RPS6KA2: variants seen among roughly 807,000 people sequenced by gnomAD.
RPS6KA2 encodes the protein ribosomal protein S6 kinase A2.
Under a neutral mutation model 91.8 loss-of-function variants are expected in RPS6KA2, and 42 were observed. The observed-to-expected ratio is 0.46, with a 90% CI of 0.36 to 0.59. RPS6KA2 has a LOEUF of 0.59. Ranked by LOEUF, RPS6KA2 falls within the 20% of genes least tolerant of loss-of-function variation. The pLI is 0.00. For synonymous variants in RPS6KA2, 414 were observed against 393.6 expected (o/e 1.05, Z -0.61); for missense variants, 798 against 978.5 (o/e 0.82, Z 2.46).
At chr6:166,589,564 T>C (rs913137976) in intron 1 of RPS6KA2, among the ~76,000 whole-genome samples, 1 of 152,194 alleles carries the variant, frequency 6.6e-6, no homozygotes, top group Admixed American at 6.5e-5. Flanking sequence ...GCATAAACAA[T>C]GTCATTCTAC....
chr6:166,777,455 T>C (rs1251699102), intron 2 of RPS6KA2, among the ~76,000 whole-genome samples: 1 of 151,910 alleles, frequency 6.6e-6, no homozygotes, highest in East Asian at 1.9e-4. Context: ...GGCCTCCGAG[T>C]GCACGCACAG....
At position 166,451,225 on chromosome 6, in the gene RPS6KA2, C is replaced by T; in HGVS notation, c.1084G>A (p.Gly362Ser). The change falls in exon 13 of 21, where the codon GGC becomes AGC. Residue 362 changes from glycine (G) to serine (S), a missense_variant. Transcript: ENST00000265678. ...TGAGCGTTTGCACTCGGGGGGACGC[C>T]AGGAGAGTCTGTAGGTGACAGGGGC... ...FTARTPTDSP[G>S]VPPSANAHHL... 1.9e-6 allele frequency: 3 copies of T among 1,613,706 alleles called. No individual in the cohort carries two copies. Among genetic ancestry groups the T allele is most frequent in the Non-Finnish European group, 2.5e-6 (3 of 1,179,884 alleles).
At chr6:166,522,819 C>T (rs1215187597) in intron 3 of RPS6KA2, among the ~76,000 whole-genome samples, 1 of 152,158 alleles carries the variant, frequency 6.6e-6, no homozygotes, top group Non-Finnish European at 1.5e-5. Flanking sequence ...TGAATTACTC[C>T]ACACATAAAG....
At chr6:166,780,171 C>T (rs957835389) in intron 2 of RPS6KA2, among the ~76,000 whole-genome samples, 3 of 152,216 alleles carry the variant, frequency 2.0e-5, no homozygotes, top group South Asian at 4.1e-4. Context: ...GGCTGCATCG[C>T]GTACCCCAAA....
intron 16 of RPS6KA2, among the ~76,000 whole-genome samples, chr6:166,428,665 A>C (rs1779011817): frequency 6.6e-6 from 1 of 150,900 alleles, no homozygotes; most frequent in Admixed American, 6.6e-5. Context: ...GACACTTCTC[A>C]AAAGAAGACA....
At position 166,451,107 on chromosome 6, in the gene RPS6KA2, A is replaced by T; in HGVS notation, c.1202T>A (p.Val401Glu). 6.2e-7 allele frequency: 1 copy of T among 1,614,086 alleles called. No homozygotes were observed. The highest frequency in any genetic ancestry group is 2.2e-5 in the East Asian group (1 of 44,876). ...ACTGCAGGCAAACACAGTTACCTGCACGATTGGGTGAACTGGGACTTTGTG... is the reference window on the plus strand; with the variant it reads ...ACTGCAGGCAAACACAGTTACCTGCTCGATTGGGTGAACTGGGACTTTGTG... ...DLHKVPVHPI[V>E]QQLHGNNIHF... Residue 401 changes from valine (V) to glutamate (E), a missense_variant, in exon 13 of 21, where the codon GTG (valine) becomes GAG (glutamate). By Grantham distance (121) the Val-to-Glu change is moderately radical (BLOSUM62 -2). Transcript: ENST00000265678.
intron 1 of RPS6KA2, among the ~76,000 whole-genome samples, chr6:166,565,113 A>C (rs557892105): frequency 6.6e-6 from 1 of 152,208 alleles, no homozygotes; most frequent in East Asian, 1.9e-4. Context: ...CTTCCTGTTG[A>C]GTCTGGCTTG....
chr6:166,676,318 A>C (rs1379305411), intron 2 of RPS6KA2, among the ~76,000 whole-genome samples: 1 of 71,602 alleles, frequency 1.4e-5, no homozygotes, highest in Non-Finnish European at 2.7e-5. Flanking sequence ...ACTCTGTCTC[A>C]AAAAAAAAAA....
At chr6:166,464,008 C>T (rs1017754074) in intron 11 of RPS6KA2, among the ~76,000 whole-genome samples, 2 of 152,102 alleles carry the variant, frequency 1.3e-5, no homozygotes, top group Admixed American at 1.3e-4. Flanking sequence ...GGGAGTGCTC[C>T]TAGTGTATAT....
chr6:166,424,462 C>G (rs765967139), intron 16 of RPS6KA2, among the ~76,000 whole-genome samples: 43 of 149,886 alleles, frequency 2.9e-4, no homozygotes, highest in Non-Finnish European at 5.3e-4. Flanking sequence ...GACAGTATTT[C>G]CTGCTTCAGG....
In RPS6KA2 at chr6:166,517,569, G is replaced by A. The variant is rs944111572; in HGVS notation, c.299-7212C>T. ...CGGCTCACTGCAAGCTCCTCTTCCC[G>A]GGTTCACGCCATTCTCCTGCCTCAG... On this transcript the variant is annotated intron_variant, in intron 3 of 20. Transcript: ENST00000265678. Among the ~76,000 whole-genome samples the A allele has an allele frequency of 9.7e-5, 14 of 144,916 alleles. No homozygotes were observed. In the South Asian group the frequency reaches 1.1e-3, roughly 11 times the overall value.
At chr6:166,543,063 T>C (rs192672947) in intron 1 of RPS6KA2, among the ~76,000 whole-genome samples, 383 of 152,282 alleles carry the variant, frequency 2.5e-3, no homozygotes, top group Middle Eastern at 6.8e-3. Flanking sequence ...ACAGGTCCCA[T>C]CAAGCCAGCA....
At chr6:166,853,585 C>T (rs957429737) in intron 2 of RPS6KA2, among the ~76,000 whole-genome samples, 1 of 151,426 alleles carries the variant, frequency 6.6e-6, no homozygotes, top group Non-Finnish European at 1.5e-5. Flanking sequence ...GCTGGCCGAG[C>T]GCAGCCGCCG....
At chr6:166,856,987 A>G (rs980405316) in intron 2 of RPS6KA2, among the ~76,000 whole-genome samples, 1 of 152,170 alleles carries the variant, frequency 6.6e-6, no homozygotes, top group Admixed American at 6.5e-5. Flanking sequence ...TGGACTCTAG[A>G]CTCCCAGATT....
rs186297238 is a variant in RPS6KA2, at chr6:166,764,266, T to C, written c.123+93934A>G. ...TCAGGGTCATTTAAGGCCAGCGACA[T>C]TTTAGTGATGGGCAGAGGGAAGGAC... On this transcript the variant is annotated intron_variant, in intron 2 of 21. Coordinates refer to the RPS6KA2 transcript ENST00000503859. Among the ~76,000 whole-genome samples the C allele has an allele frequency of 2.9e-3, 445 of 152,168 alleles. 2 individuals carry two copies. Among genetic ancestry groups the C allele is most frequent in the Non-Finnish European group, 5.0e-3 (340 of 68,000 alleles).
intron 2 of RPS6KA2, among the ~76,000 whole-genome samples, chr6:166,658,869 T>C (rs1237393172): frequency 5.3e-5 from 8 of 152,166 alleles, no homozygotes; most frequent in Admixed American, 3.9e-4. Context: ...CCCTGCTCTG[T>C]ACAAGACACA....
chr6:166,499,474 G>A lies in RPS6KA2; in HGVS notation c.605-824C>T, dbSNP rs181722575. 4.6e-5 allele frequency among the ~76,000 whole-genome samples: 7 copies of A among 152,364 alleles called. No individual in the cohort carries two copies. The South Asian group carries it at 8.3e-4, about 18-fold the overall frequency. ...TGAATTGTAAGAATCCCCACGTGTC[G>A]TGGGAGGGACAGAGTGGGAGGTAAC... On this transcript the variant is annotated intron_variant, in intron 7 of 20. Coordinates refer to ENST00000265678, the MANE Select transcript of RPS6KA2 (RefSeq NM_021135.6).
chr6:166,419,761 C>G lies in RPS6KA2; in HGVS notation c.1820+121G>C, dbSNP rs1411724312. 3.9e-6 allele frequency: 3 copies of G among 766,592 alleles called. No homozygotes were observed. In the Admixed American group the frequency reaches 6.2e-5, roughly 16 times the overall value. 47.5% of individuals were successfully genotyped at this position (766,592 alleles called of 1,614,324 possible). On this transcript the variant is annotated intron_variant, in intron 18 of 20. Coordinates refer to ENST00000265678, the MANE Select transcript of RPS6KA2 (RefSeq NM_021135.6). The surrounding 1 kb of genome is among the most constrained non-coding windows in gnomAD (Gnocchi z 5.6). ...CTCAAGGCCTGGGAGTGTTTGCATACACGTTGGGTTTGCCCACATGCGCAC... is the reference window on the plus strand; with the variant it reads ...CTCAAGGCCTGGGAGTGTTTGCATAGACGTTGGGTTTGCCCACATGCGCAC...
chr6:166,467,034 C>T (rs1028682406), intron 11 of RPS6KA2, among the ~76,000 whole-genome samples: 3 of 148,592 alleles, frequency 2.0e-5, no homozygotes, highest in African/African-American at 7.5e-5. Flanking sequence ...TCATTCACTT[C>T]CTCACTCATT....
Sources: gnomAD v4.1 joint callset for allele counts (sites outside exome capture counted in the v4.1 genomes callset) on GRCh38, gnomAD v4.1.1 for gene constraint, Gnocchi (gnomAD v3.1) non-coding constraint, MANE v1.5 for transcripts, NCBI Gene and HGNC (gene_info 2026-07-23, HGNC 2026-07-21) for gene names.